MAML3: variants seen among roughly 807,000 people sequenced by gnomAD.
MAML3 encodes mastermind like transcriptional coactivator 3.
MAML3 carries 27 observed loss-of-function variants against 101.9 expected under a neutral mutation model. The ratio of observed to expected loss-of-function variants is 0.27; its 90% CI spans 0.20 to 0.37. MAML3 has a LOEUF of 0.37. MAML3 is among the 10% of genes least tolerant of loss of function. The probability of loss-of-function intolerance (pLI) is 1.00; values close to 1 mark genes in which losing one functional copy is unlikely to be tolerated. For synonymous variants in MAML3, 501 were observed against 555.9 expected, an observed-to-expected ratio of 0.90 and a Z score of 1.39; for missense variants, 1,316 against 1,444.9, an observed-to-expected ratio of 0.91 and a Z score of 1.45.
At chr4:139,767,181 G>A (rs1011280010) in intron 2 of MAML3, among the ~76,000 whole-genome samples, 6 of 152,176 alleles carry the variant, frequency 3.9e-5, no homozygotes, top group African/African-American at 1.4e-4. Flanking sequence ...AGTCCACATT[G>A]GGTCAGGCCT....
At position 139,807,566 on chromosome 4, in the gene MAML3, G is replaced by A. The variant is rs1229443677; in HGVS notation, c.2080-76899C>T. 2.6e-5 allele frequency among the ~76,000 whole-genome samples: 4 copies of A among 152,178 alleles called. No individual in the cohort carries two copies. In the East Asian group the frequency reaches 7.7e-4, roughly 29 times the overall value. On this transcript the variant is annotated intron_variant, in intron 2 of 4. Transcript: ENST00000509479. ...AAAGATCAAACCAAGGATGGCCTGA[G>A]CTCAGACTCCATAGGATACCTCAAG...
intron 1 of MAML3, among the ~76,000 whole-genome samples, chr4:139,951,042 C>T (rs560434495): frequency 5.9e-5 from 9 of 152,306 alleles, no homozygotes; most frequent in African/African-American, 1.9e-4. Context: ...TGCCAATCTC[C>T]CATTTCAGCT....
intron 1 of MAML3, among the ~76,000 whole-genome samples, chr4:139,910,419 T>C (rs1430996999): frequency 1.3e-5 from 2 of 152,238 alleles, no homozygotes; most frequent in Non-Finnish European, 2.9e-5. Context: ...GGCTACTGAA[T>C]ACTTGATATG....
intron 2 of MAML3, among the ~76,000 whole-genome samples, chr4:139,780,193 T>G (rs755347118): frequency 6.6e-6 from 1 of 152,260 alleles, no homozygotes; most frequent in African/African-American, 2.4e-5. Context: ...TATATTGGGC[T>G]GTGCAGGTAC....
At chr4:140,089,464 T>C (rs140810015) in intron 1 of MAML3, among the ~76,000 whole-genome samples, 77 of 152,324 alleles carry the variant, frequency 5.1e-4, no homozygotes, top group African/African-American at 1.8e-3. Flanking sequence ...GGCAAGTCAC[T>C]TCACCCTAGG....
chr4:139,750,661 T>C (rs763134276), intron 2 of MAML3, among the ~76,000 whole-genome samples: 6 of 152,192 alleles, frequency 3.9e-5, no homozygotes, highest in Non-Finnish European at 8.8e-5. Flanking sequence ...CTGATAAAAA[T>C]ATAAATTTAA....
chr4:140,069,953 T>G (rs1004685270), intron 1 of MAML3, among the ~76,000 whole-genome samples: 1 of 151,818 alleles, frequency 6.6e-6, no homozygotes, highest in Non-Finnish European at 1.5e-5. Flanking sequence ...CTGTCTCTAC[T>G]AAAAATACAA....
At chr4:139,807,384 G>A (rs559003950) in intron 2 of MAML3, among the ~76,000 whole-genome samples, 4 of 152,214 alleles carry the variant, frequency 2.6e-5, no homozygotes, top group Admixed American at 1.3e-4. Context: ...TGAAAGCCTC[G>A]ATTCGGAATT....
At chr4:140,143,853 G>C (rs1330255600) in intron 1 of MAML3, among the ~76,000 whole-genome samples, 1 of 152,200 alleles carries the variant, frequency 6.6e-6, no homozygotes, top group Non-Finnish European at 1.5e-5. Context: ...GGCCAGCTAG[G>C]ATGGCGCTGC....
chr4:139,815,232 G>T (rs1342596927), intron 2 of MAML3, among the ~76,000 whole-genome samples: 1 of 152,210 alleles, frequency 6.6e-6, no homozygotes, highest in African/African-American at 2.4e-5. Flanking sequence ...AGGAATAAGG[G>T]AAGGTAAGAT....
chr4:139,969,204 C>T (rs1734192506), intron 1 of MAML3, among the ~76,000 whole-genome samples: 1 of 151,456 alleles, frequency 6.6e-6, no homozygotes, highest in South Asian at 2.1e-4. Context: ...CCTTTGCAGA[C>T]CCTCCACTGC....
intron 1 of MAML3, among the ~76,000 whole-genome samples, chr4:140,140,417 T>TG (rs1385483464): frequency 6.6e-5 from 10 of 152,352 alleles, no homozygotes; most frequent in Admixed American, 4.6e-4. Context: ...GAGAAGTTTT[T>TG]AATTTTATGT....
intron 1 of MAML3, among the ~76,000 whole-genome samples, chr4:139,921,391 C>A (rs941129882): frequency 6.6e-6 from 1 of 152,124 alleles, no homozygotes; most frequent in African/African-American, 2.4e-5. Context: ...TGCTCACTAT[C>A]GCTCCTGTGG....
chr4:140,129,336 G>A (rs1057181999), intron 1 of MAML3, among the ~76,000 whole-genome samples: 7 of 152,118 alleles, frequency 4.6e-5, no homozygotes, highest in Admixed American at 1.3e-4. Flanking sequence ...AAGTTGTCCC[G>A]TTTGAAGGTC....
intron 1 of MAML3, among the ~76,000 whole-genome samples, chr4:139,937,220 G>A (rs1733524419): frequency 6.6e-6 from 1 of 152,074 alleles, no homozygotes; most frequent in Non-Finnish European, 1.5e-5. Flanking sequence ...GCCCCTCATG[G>A]AAATGTGATT....
chr4:139,941,706 AC>A (rs1297626602), intron 1 of MAML3, among the ~76,000 whole-genome samples: 3 of 152,204 alleles, frequency 2.0e-5, no homozygotes, highest in Admixed American at 1.3e-4. Context: ...GGGGGTTGAT[AC>A]ATGCTAAACC....
chr4:139,846,057 T>C (rs1731440811), intron 2 of MAML3, among the ~76,000 whole-genome samples: 1 of 152,176 alleles, frequency 6.6e-6, no homozygotes, highest in South Asian at 2.1e-4. Flanking sequence ...AGCTTGACAG[T>C]GACAAAAAAT....
At chr4:140,126,231 G>A (rs1056645617) in intron 1 of MAML3, among the ~76,000 whole-genome samples, 13 of 148,932 alleles carry the variant, frequency 8.7e-5, no homozygotes, top group Non-Finnish European at 1.6e-4. Context: ...ACCCCCAAAA[G>A]GTTTACCAAC....
intron 2 of MAML3, among the ~76,000 whole-genome samples, chr4:139,757,257 G>T (rs1376806908): frequency 1.3e-5 from 2 of 152,086 alleles, no homozygotes; most frequent in Admixed American, 6.6e-5. Context: ...CTGGCTGGTT[G>T]TCCATTTTTC....
Sources: gnomAD v4.1 joint callset for allele counts (sites outside exome capture counted in the v4.1 genomes callset) on GRCh38, gnomAD v4.1.1 for gene constraint, MANE v1.5 for transcripts, NCBI Gene and HGNC (gene_info 2026-07-23, HGNC 2026-07-21) for gene names.